Variants in NAGK observed in about 807,000 individuals in gnomAD.
NAGK encodes the protein N-acetylglucosamine kinase.
NAGK carries 35 observed loss-of-function variants against 42.9 expected under a neutral mutation model. The observed-to-expected ratio is 0.82, with a 90% CI of 0.62 to 1.08. The LOEUF (loss-of-function observed/expected upper bound fraction) is 1.08. Among genes scored for constraint, NAGK ranks in the 50% least tolerant of loss-of-function variants. The pLI, the probability that NAGK is intolerant of heterozygous loss-of-function variation, is 0.00. For synonymous variants in NAGK, 172 were observed against 176.0 expected, an observed-to-expected ratio of 0.98 and a Z score of 0.18; for missense variants, 446 against 446.0, an observed-to-expected ratio of 1.00 and a Z score of 0.00.
At chr2:71,071,022 T>G (rs1402734337) in intron 3 of NAGK, 183 bp downstream of exon 3, 16 of 632,750 alleles carry the variant, frequency 2.5e-5, no homozygotes, top group Non-Finnish European at 4.5e-5. Context: ...ACTACAAATG[T>G]GTTGGAAGAG....
chr2:71,071,897 C>T, intron 4 of NAGK, 70 bp downstream of exon 4: 2 of 1,570,536 alleles, frequency 1.3e-6, no homozygotes, highest in Middle Eastern at 1.7e-4. Context: ...ATATAGCTGA[C>T]AAAACTTGTT....
chr2:71,069,064 G>A, intron 1 of NAGK: 1 of 1,046,574 alleles, frequency 9.6e-7, no homozygotes, highest in Non-Finnish European at 1.2e-6. Context: ...GGTGTCAGGT[G>A]TGAAATTGCT....
chr2:71,070,782 G>A lies in NAGK; in HGVS notation c.156G>A (p.Met52Ile). The change falls in exon 3 of 10, where the codon ATG becomes ATA. Residue 52 changes from methionine to isoleucine, a missense_variant. Met to Ile is a conservative substitution (Grantham distance 10). Coordinates refer to ENST00000244204, the MANE Select transcript of NAGK (RefSeq NM_017567.6). Reference sequence around the variant, plus strand: ...AGTGTGTGGAGAGGATCAATGAGATGGTGAACAGGGCCAAACGGAAAGCAG... The same window carrying A: ...AGTGTGTGGAGAGGATCAATGAGATAGTGAACAGGGCCAAACGGAAAGCAG... ...TDKCVERINEMVNRAKRKAGV... is the reference protein window; with the variant it reads ...TDKCVERINEIVNRAKRKAGV... The A allele has an allele frequency of 6.2e-7, 1 of 1,614,176 alleles. No individual in the cohort carries two copies. The highest frequency in any genetic ancestry group is 8.5e-7 in the Non-Finnish European group (1 of 1,180,028).
chr2:71,076,481 G>A (rs561466776), intron 7 of NAGK, 123 bp from the exon 8 acceptor site: 109 of 710,892 alleles, frequency 1.5e-4, no homozygotes, highest in African/African-American at 3.8e-4. Flanking sequence ...GCATCCATCC[G>A]GCAGTAGACT....
chr2:71,070,667 TCA>T lies in NAGK; in HGVS notation c.115-71_115-70del, dbSNP rs1671968059. On this transcript the variant is annotated intron_variant, in intron 2 of 9. Transcript: ENST00000244204. ...TTCCTGTTGAGGTGGTGGCTGGGACTCACAGAGCAGCCTGTGGGGGCAACATA... is the reference window on the plus strand; with the variant it reads ...TTCCTGTTGAGGTGGTGGCTGGGACTCAGAGCAGCCTGTGGGGGCAACATA... 5.0e-6 allele frequency: 8 copies of T among 1,604,956 alleles called. No individual in the cohort carries two copies. The Admixed American group carries it at 1.3e-4, about 27-fold the overall frequency.
intron 8 of NAGK, among the ~76,000 whole-genome samples, chr2:71,076,975 T>C (rs1457681560): frequency 6.6e-6 from 1 of 152,036 alleles, no homozygotes; most frequent in East Asian, 1.9e-4. Context: ...TTATTTTTTA[T>C]TTTTTTGAGA....
chr2:71,076,808 T>G (rs1672229355), intron 8 of NAGK, 107 bp downstream of exon 8: 2 of 935,380 alleles, frequency 2.1e-6, no homozygotes, highest in Non-Finnish European at 3.2e-6. Context: ...GGATACTATT[T>G]TAAATGAACT....
intron 5 of NAGK, chr2:71,073,208 G>A (rs1315279068): frequency 3.7e-6 from 2 of 537,904 alleles, no homozygotes; most frequent in South Asian, 2.1e-5. Flanking sequence ...ACAACAGACT[G>A]ACCTTGCCTT....
chr2:71,073,266 C>T lies in NAGK; in HGVS notation c.467-216C>T, dbSNP rs1165242872. On this transcript the variant is annotated intron_variant, in intron 5 of 9. Coordinates refer to ENST00000244204, the MANE Select transcript of NAGK (RefSeq NM_017567.6). ...GACACAGCCTCACCTATTCTGTTTTCCCCCTCCAACTTTCCCTTATCTTGG... is the reference window on the plus strand; with the variant it reads ...GACACAGCCTCACCTATTCTGTTTTTCCCCTCCAACTTTCCCTTATCTTGG... The T allele has an allele frequency of 8.5e-6, 5 of 586,586 alleles. No homozygotes were observed. In the Admixed American group the frequency reaches 1.5e-4, roughly 17 times the overall value. The allele number at this position is 586,586 out of a possible 1,614,324, so 36.3% of individuals were successfully genotyped here.
intron 1 of NAGK, chr2:71,069,263 A>G: frequency 3.9e-6 from 1 of 257,814 alleles, no homozygotes; most frequent in Non-Finnish European, 6.1e-6. Context: ...AAGCTTGTTT[A>G]CTGAACTTTT....
Position 71,076,514 on chromosome 2 carries a change from A to G in NAGK, c.668-90A>G. ...ACTCCTAGCTCAGGGTGCTCCTGTG[A>G]TGGCTGCCTTGCAACAGAGAGAGGA... On this transcript the variant is annotated intron_variant, in intron 7 of 9. Transcript: ENST00000244204. 6 of 1,067,128 alleles carry G rather than the reference A, an allele frequency of 5.6e-6. No individual in the cohort carries two copies. In the South Asian group the frequency reaches 8.9e-5, roughly 16 times the overall value. 66.1% of individuals were successfully genotyped at this position (1,067,128 alleles called of 1,614,324 possible).
At chr2:71,070,401 TCTC>T (rs1369866435) in intron 1 of NAGK, 98 bp from the exon 2 acceptor site, 2 of 943,074 alleles carry the variant, frequency 2.1e-6, no homozygotes, top group Non-Finnish European at 1.6e-6. Context: ...GTCGAAGCTG[TCTC>T]CTCCATCATA....
chr2:71,078,400 C>A lies in NAGK; in HGVS notation c.927C>A (p.His309Gln). Reference protein sequence around the residue: ...FSSFTLMKLRHSSALGGASLG... With the variant: ...FSSFTLMKLRQSSALGGASLG... ...GCTTCACCCTGATGAAGCTGAGGCA[C>A]TCCTCCGCTCTGGGTGGGGCCAGCC... Residue 309 changes from histidine to glutamine, a missense_variant, in exon 10 of 10, where the codon CAC becomes CAA. By Grantham distance (24) the His-to-Gln change is conservative. Transcript: ENST00000244204. 1 of 1,614,142 alleles carries A rather than the reference C, an allele frequency of 6.2e-7. No homozygotes were observed. Among genetic ancestry groups the A allele is most frequent in the Non-Finnish European group, 8.5e-7 (1 of 1,179,976 alleles).
rs117815168 is a variant in NAGK at position 71,073,848 on chromosome 2, T to C, written c.579+254T>C. 8.0e-4 allele frequency among the ~76,000 whole-genome samples: 122 copies of C among 152,266 alleles called. 1 individual carries two copies. In the East Asian group the frequency reaches 0.022, roughly 27 times the overall value. On this transcript the variant is annotated intron_variant, in intron 6 of 9. Transcript: ENST00000244204. Reference sequence around the variant, plus strand: ...TTTGGGGACAGGTGATTAGCCAGACTTCATTCTTGGGCAGCTAGAACCTGC... The same window carrying C: ...TTTGGGGACAGGTGATTAGCCAGACCTCATTCTTGGGCAGCTAGAACCTGC...
At chr2:71,071,621 G>GC in intron 3 of NAGK, 65 bp from the exon 4 acceptor site, 1 of 1,529,762 alleles carries the variant, frequency 6.5e-7, no homozygotes. Context: ...TCAGGAGGGG[G>GC]CGGGGGTTGA....
chr2:71,079,518 A>T lies in NAGK; in HGVS notation c.*1010A>T, dbSNP rs1235603636. 6.6e-6 allele frequency: 1 copy of T among 152,362 alleles called. No homozygotes were observed. Among genetic ancestry groups the T allele is most frequent in the East Asian group, 1.9e-4 (1 of 5,200 alleles). 9.4% of individuals were successfully genotyped at this position (152,362 alleles called of 1,614,324 possible). On this transcript the variant is annotated 3_prime_UTR_variant, in exon 10 of 10. Coordinates refer to ENST00000244204, the MANE Select transcript of NAGK (RefSeq NM_017567.6). ...CGGTTTTGGCCGGGCACGGTGGCTC[A>T]CGCCTGTAATCCCAGCACTTTGGGA...
chr2:71,071,617 G>C (rs201143239), intron 3 of NAGK, 69 bp from the exon 4 acceptor site: 1 of 1,520,624 alleles, frequency 6.6e-7, no homozygotes, highest in Non-Finnish European at 8.8e-7. Flanking sequence ...GGCATCAGGA[G>C]GGGGCGGGGG....
At chr2:71,077,823 C>G (rs1218893664) in intron 9 of NAGK, among the ~76,000 whole-genome samples, 187 bp downstream of exon 9, 1 of 152,202 alleles carries the variant, frequency 6.6e-6, no homozygotes, top group African/African-American at 2.4e-5. Context: ...ATGTCCCATC[C>G]ACCTTCCTTG....
At position 71,077,784 on chromosome 2, in the gene NAGK, A is replaced by G. The variant is rs1453391639; in HGVS notation, c.844+148A>G. ...CTGATGCTCCCGTCTAAGGCCCTCA[A>G]CCTCATTCTGCCATTGAGCCCTTTA... On this transcript the variant is annotated intron_variant, in intron 9 of 9. Transcript: ENST00000244204. 5 of 769,416 alleles carry G rather than the reference A, an allele frequency of 6.5e-6. No homozygotes were observed. The African/African-American group carries it at 8.7e-5, about 13-fold the overall frequency. 47.7% of individuals were successfully genotyped at this position (769,416 alleles called of 1,614,324 possible). A position where few individuals can be genotyped will look rare whatever the true frequency, so the allele number is the denominator to read the frequency against.
Sources: gnomAD v4.1 joint callset for allele counts (sites outside exome capture counted in the v4.1 genomes callset) on GRCh38, gnomAD v4.1.1 for gene constraint, MANE v1.5 for transcripts, NCBI Gene and HGNC (gene_info 2026-07-23, HGNC 2026-07-21) for gene names.